LY6E: variants seen among roughly 807,000 people sequenced by gnomAD.
The protein encoded by LY6E is lymphocyte antigen 6 family member E, also known as lymphocyte antigen 6E.
LY6E carries 4 observed loss-of-function variants against 7.7 expected under a neutral mutation model. The ratio of observed to expected loss-of-function variants is 0.52; its 90% CI spans 0.25 to 1.18. The LOEUF (loss-of-function observed/expected upper bound fraction) is 1.18, where lower values mean the gene tolerates loss of function less well. LY6E is among the 50% of genes most tolerant of loss of function. The pLI is 0.14. For missense variants in LY6E, 156 were observed against 168.0 expected, an observed-to-expected ratio of 0.93 and a Z score of 0.40; for synonymous variants, 81 against 80.1, an observed-to-expected ratio of 1.01 and a Z score of -0.06.
In LY6E at chr8:143,021,732, G is replaced by A; in HGVS notation, c.339G>A (p.Leu113=). Reference sequence around the variant, plus strand: ...GCGGGCTGCGGGCAAGCGTCACCCTGCTGGGTGCCGGGCTGCTGCTGAGCC... The same window carrying A: ...GCGGGCTGCGGGCAAGCGTCACCCTACTGGGTGCCGGGCTGCTGCTGAGCC... ...ADGGLRASVT[L]LGAGLLLSLL... Residue 113 remains leucine, a synonymous_variant, in exon 4 of 4, where the codon CTG becomes CTA. Transcript: ENST00000292494. The A allele has an allele frequency of 6.2e-7, 1 of 1,612,774 alleles. No individual in the cohort carries two copies. The highest frequency in any genetic ancestry group is 8.5e-7 in the Non-Finnish European group (1 of 1,179,950).
In LY6E at chr8:143,020,218, A is replaced by G. The variant is rs538690256; in HGVS notation, c.-57-665A>G. On this transcript the variant is annotated intron_variant, in intron 1 of 3. Transcript: ENST00000292494. ...GATTAGCTAATATACACTGACAGAT[A>G]CACATATAGATGTGTATATAGATTT... is the stretch of plus-strand genomic sequence containing the variant. The G allele has an allele frequency of 5.9e-5, 9 of 152,404 alleles. No homozygotes were observed. The East Asian group carries it at 1.5e-3, about 26-fold the overall frequency. The allele number at this position is 152,404 out of a possible 1,614,324, so 9.4% of individuals were successfully genotyped here.
intron 1 of LY6E, chr8:143,018,842 A>C (rs1819138356): frequency 1.3e-5 from 2 of 152,310 alleles, no homozygotes; most frequent in African/African-American, 4.8e-5. Flanking sequence ...GGCCTCCCCG[A>C]ATGTTTCCAA....
intron 2 of LY6E, 108 bp downstream of exon 2, chr8:143,021,099 C>A: frequency 7.4e-7 from 1 of 1,351,766 alleles, no homozygotes; most frequent in South Asian, 1.3e-5. Flanking sequence ...CCAGGCCGCT[C>A]CCAGCAGAGG....
intron 1 of LY6E, chr8:143,020,387 A>C (rs1220829801): frequency 6.5e-6 from 1 of 154,714 alleles, no homozygotes; most frequent in Non-Finnish European, 1.4e-5. Context: ...GGCACGTACC[A>C]CGCCCGGCTA....
In LY6E at chr8:143,019,905, C is replaced by T. The variant is rs117589871; in HGVS notation, c.-57-978C>T. Among the ~76,000 whole-genome samples, 1,119 of 152,340 alleles carry T rather than the reference C, an allele frequency of 7.3e-3. 6 individuals are homozygous for T. Among genetic ancestry groups the T allele is most frequent in the Non-Finnish European group, 0.011 (748 of 68,030 alleles). ...GGTGTGTTCCAGATTCTTTCTCCAG[C>T]AGTGCAGAGGGTCCTGTGCAGAGGC... is the stretch of plus-strand genomic sequence containing the variant. On this transcript the variant is annotated intron_variant, in intron 1 of 3. Transcript: ENST00000292494.
At position 143,021,930 on chromosome 8, in the gene LY6E, C is replaced by G. The variant is rs1419704405; in HGVS notation, c.*141C>G. Reference sequence around the variant, plus strand: ...CCCAGGTCAGGCCCACCCCCTGCACCTCCACCTGCCCCAGCCCCTGCCTCT... The same window carrying G: ...CCCAGGTCAGGCCCACCCCCTGCACGTCCACCTGCCCCAGCCCCTGCCTCT... On this transcript the variant is annotated 3_prime_UTR_variant, in exon 4 of 4. Transcript: ENST00000292494. The G allele has an allele frequency of 9.7e-6, 7 of 724,856 alleles. No individual in the cohort carries two copies. The highest frequency in any genetic ancestry group is 1.3e-5 in the Non-Finnish European group (6 of 450,496). The allele number at this position is 724,856 out of a possible 1,614,324, so 44.9% of individuals were successfully genotyped here. A position where few individuals can be genotyped will look rare whatever the true frequency, so the allele number is the denominator to read the frequency against.
rs1819239756 is a variant in LY6E at position 143,022,084 on chromosome 8, C to A, written c.*295C>A. ...ATCAGGACCAAGTCCCATGGACATG[C>A]TGACAGGGTCCCCAGGGAGACCGTG... is the stretch of plus-strand genomic sequence containing the variant. On this transcript the variant is annotated 3_prime_UTR_variant, in exon 4 of 4. Transcript: ENST00000292494. 2 of 525,658 alleles carry A rather than the reference C, an allele frequency of 3.8e-6. No homozygotes were observed. Among genetic ancestry groups the A allele is most frequent in the Non-Finnish European group, 6.7e-6 (2 of 297,898 alleles). 32.6% of individuals were successfully genotyped at this position (525,658 alleles called of 1,614,324 possible).
rs770775627 is a variant in LY6E at position 143,021,755 on chromosome 8, GCCTGCTGCCGGC to G, written c.371_382del (p.Pro124_Leu127del). Reference sequence around the variant, plus strand: ...CTGCTGGGTGCCGGGCTGCTGCTGAGCCTGCTGCCGGCCCTGCTGCGGTTTGGCCCCTGACCG... The same window carrying G: ...CTGCTGGGTGCCGGGCTGCTGCTGAGCCTGCTGCGGTTTGGCCCCTGACCG... On this transcript the variant is annotated inframe_deletion, in exon 4 of 4. Transcript: ENST00000292494. 9 of 1,609,866 alleles carry G rather than the reference GCCTGCTGCCGGC, an allele frequency of 5.6e-6. No individual in the cohort carries two copies. In the African/African-American group the frequency reaches 1.1e-4, roughly 19 times the overall value.
chr8:143,019,946 C>T (rs111605625), intron 1 of LY6E, among the ~76,000 whole-genome samples: 80 of 152,370 alleles, frequency 5.3e-4, no homozygotes, highest in African/African-American at 1.8e-3. Context: ...AGCAGTACAG[C>T]GACCCATCTG....
intron 1 of LY6E, among the ~76,000 whole-genome samples, chr8:143,019,441 G>A (rs1462884090): frequency 6.6e-6 from 1 of 152,236 alleles, no homozygotes; most frequent in Non-Finnish European, 1.5e-5. Context: ...GGCGGCACCA[G>A]CTGGACCTGT....
Position 143,021,431 on chromosome 8 carries a change from T to C in LY6E, c.170T>C (p.Ile57Thr). 1.2e-6 allele frequency: 2 copies of C among 1,613,928 alleles called. No homozygotes were observed. The highest frequency in any genetic ancestry group is 1.7e-6 in the Non-Finnish European group (2 of 1,180,014). The stretch of plus-strand genomic sequence containing the variant: ...GTGACTGTGTCTGCTAGTGCCGGCA[T>C]TGGTGAGTGCCAGGCCTCAGACCGT... Reference protein sequence around the residue: ...YCVTVSASAGIGNLVTFGHSL... With the variant: ...YCVTVSASAGTGNLVTFGHSL... The change falls in exon 3 of 4, where the codon ATT (isoleucine) becomes ACT (threonine). Residue 57 changes from isoleucine to threonine, a missense_variant and splice_region_variant. By Grantham distance (89) the Ile-to-Thr change is moderately conservative. Transcript: ENST00000292494.
In LY6E at chr8:143,020,771, C is replaced by T; in HGVS notation, c.-57-112C>T. 3.2e-6 allele frequency: 2 copies of T among 628,508 alleles called. 1 individual carries two copies. Among genetic ancestry groups the T allele is most frequent in the South Asian group, 3.7e-5 (2 of 53,616 alleles). The allele number at this position is 628,508 out of a possible 1,614,324, so 38.9% of individuals were successfully genotyped here. ...AGAGAAGCAGGGAAGTCCTTGTGTG[C>T]TGGCAGGTCCCTTCCCCTCTGCTGT... On this transcript the variant is annotated intron_variant, in intron 1 of 3. Coordinates refer to ENST00000292494, the MANE Select transcript of LY6E (RefSeq NM_002346.3).
At chr8:143,019,335 A>G (rs994865144) in intron 1 of LY6E, among the ~76,000 whole-genome samples, 1 of 152,188 alleles carries the variant, frequency 6.6e-6, no homozygotes, top group African/African-American at 2.4e-5. Flanking sequence ...TCCGGGCTCC[A>G]TGGCCCACCC....
In LY6E at chr8:143,021,755, G is replaced by GCCTGCTGCCGGC; in HGVS notation, c.371_382dup (p.Pro124_Leu127dup). ...CTGCTGGGTGCCGGGCTGCTGCTGA[G>GCCTGCTGCCGGC]CCTGCTGCCGGCCCTGCTGCGGTTT... is the stretch of plus-strand genomic sequence containing the variant. On this transcript the variant is annotated inframe_insertion, in exon 4 of 4. Coordinates refer to ENST00000292494, the MANE Select transcript of LY6E (RefSeq NM_002346.3). The GCCTGCTGCCGGC allele has an allele frequency of 6.2e-7, 1 of 1,609,984 alleles. No homozygotes were observed. Among genetic ancestry groups the GCCTGCTGCCGGC allele is most frequent in the Non-Finnish European group, 8.5e-7 (1 of 1,178,960 alleles).
At position 143,021,381 on chromosome 8, in the gene LY6E, C is replaced by T. The variant is rs1219223664; in HGVS notation, c.120C>T (p.Ile40=). Residue 40 remains isoleucine (I), a synonymous_variant, in exon 3 of 4, where the codon ATC becomes ATT. Coordinates refer to ENST00000292494, the MANE Select transcript of LY6E (RefSeq NM_002346.3). ...KSNLYCLKPT[I]CSDQDNYCVT... is the part of the protein sequence containing the mutation. Reference sequence around the variant, plus strand: ...ATCTGTACTGCCTGAAGCCGACCATCTGCTCCGACCAGGACAACTACTGCG... The same window carrying T: ...ATCTGTACTGCCTGAAGCCGACCATTTGCTCCGACCAGGACAACTACTGCG... 1 of 1,614,064 alleles carries T rather than the reference C, an allele frequency of 6.2e-7. No individual in the cohort carries two copies. Among genetic ancestry groups the T allele is most frequent in the South Asian group, 1.1e-5 (1 of 91,086 alleles).
Position 143,021,566 on chromosome 8 carries a change from G to T in LY6E, c.173G>T (p.Gly58Val). ...CCTGACAGCCTCATTTCCCATGCAG[G>T]GAATCTCGTGACATTTGGCCACAGC... ...CVTVSASAGI[G>V]NLVTFGHSLS... The change falls in exon 4 of 4, where the codon GGG (glycine) becomes GTG (valine). Residue 58 changes from glycine (G) to valine (V), a missense_variant and splice_region_variant. By Grantham distance (109) the Gly-to-Val change is moderately radical. Transcript: ENST00000292494. 6.2e-7 allele frequency: 1 copy of T among 1,613,876 alleles called. No individual in the cohort carries two copies. The highest frequency in any genetic ancestry group is 8.5e-7 in the Non-Finnish European group (1 of 1,180,004).
At position 143,021,923 on chromosome 8, in the gene LY6E, C is replaced by A. The variant is rs1819236524; in HGVS notation, c.*134C>A. The A allele has an allele frequency of 1.3e-6, 1 of 769,124 alleles. No homozygotes were observed. The highest frequency in any genetic ancestry group is 2.7e-5 in the East Asian group (1 of 36,998). The allele number at this position is 769,124 out of a possible 1,614,324, so 47.6% of individuals were successfully genotyped here. On this transcript the variant is annotated 3_prime_UTR_variant, in exon 4 of 4. Coordinates refer to ENST00000292494, the MANE Select transcript of LY6E (RefSeq NM_002346.3). ...CCTTGGTCCCAGGTCAGGCCCACCCCCTGCACCTCCACCTGCCCCAGCCCC... is the reference window on the plus strand; with the variant it reads ...CCTTGGTCCCAGGTCAGGCCCACCCACTGCACCTCCACCTGCCCCAGCCCC...
In LY6E at chr8:143,021,716, G is replaced by A. The variant is rs773597137; in HGVS notation, c.323G>A (p.Arg108Gln). The change falls in exon 4 of 4, where the codon CGG becomes CAG. Residue 108 changes from arginine to glutamine, a missense_variant. By Grantham distance (43) the Arg-to-Gln change is conservative (BLOSUM62 1). Transcript: ENST00000292494. ...TTCAGTGCGGCCGATGGCGGGCTGC[G>A]GGCAAGCGTCACCCTGCTGGGTGCC... Reference protein sequence around the residue: ...CNFSAADGGLRASVTLLGAGL... With the variant: ...CNFSAADGGLQASVTLLGAGL... The A allele has an allele frequency of 6.8e-6, 11 of 1,613,180 alleles. No individual in the cohort carries two copies. The highest frequency in any genetic ancestry group is 2.2e-5 in the East Asian group (1 of 44,882).
rs756078908 is a variant in LY6E at position 143,021,588 on chromosome 8, C to T, written c.195C>T (p.His65=). Residue 65 remains histidine, a synonymous_variant, in exon 4 of 4, where the codon CAC becomes CAT. Transcript: ENST00000292494. The part of the protein sequence containing the change: ...AGIGNLVTFG[H]SLSKTCSPAC... ...CAGGGAATCTCGTGACATTTGGCCA[C>T]AGCCTGAGCAAGACCTGTTCCCCGG... The T allele has an allele frequency of 2.5e-6, 4 of 1,613,996 alleles. No individual in the cohort carries two copies. The highest frequency in any genetic ancestry group is 1.6e-4 in the Middle Eastern group (1 of 6,062).
Sources: allele counts gnomAD v4.1 joint callset (sites outside exome capture counted in the v4.1 genomes callset), GRCh38; gene constraint gnomAD v4.1.1; transcripts MANE v1.5; gene names NCBI Gene and HGNC (gene_info 2026-07-23, HGNC 2026-07-21).